The following RASGEF1C variants were observed in gnomAD, a reference collection of about 807,000 sequenced individuals.
RASGEF1C encodes the protein ras-GEF domain-containing family member 1C.
RASGEF1C carries 27 observed loss-of-function variants against 58.1 expected under a neutral mutation model. That is an observed-to-expected ratio of 0.46 (90% CI 0.34 to 0.64). The LOEUF (loss-of-function observed/expected upper bound fraction) is 0.64, where lower values mean the gene tolerates loss of function less well. Ranked by LOEUF, RASGEF1C falls within the 30% of genes least tolerant of loss-of-function variation. The pLI is 0.01. For missense variants in RASGEF1C, 502 were observed against 605.1 expected (o/e 0.83, Z 1.79); for synonymous variants, 243 against 246.3 (o/e 0.99, Z 0.13).
At chr5:180,186,101 GAAAAAAAAAAA>G (rs35778456) in intron 1 of RASGEF1C, among the ~76,000 whole-genome samples, 3 of 81,174 alleles carry the variant, frequency 3.7e-5, no homozygotes, top group African/African-American at 4.8e-5. Context: ...TATCTCCACA[GAAAAAAAAAAA>G]AAAAAAAAAA....
intron 4 of RASGEF1C, among the ~76,000 whole-genome samples, chr5:180,134,778 C>T (rs1766439326): frequency 1.4e-5 from 1 of 68,970 alleles, no homozygotes; most frequent in Non-Finnish European, 3.9e-5. Context: ...TTACAGTGAC[C>T]CCCAACCCCC....
At chr5:180,135,377 C>T (rs1209251080) in intron 4 of RASGEF1C, 2 of 152,248 alleles carry the variant, frequency 1.3e-5, no homozygotes, top group African/African-American at 2.4e-5. Flanking sequence ...TTTTCTCACA[C>T]ACAGCTCTTC....
At chr5:180,175,800 C>A (rs1050310678) in intron 1 of RASGEF1C, among the ~76,000 whole-genome samples, 13 of 152,154 alleles carry the variant, frequency 8.5e-5, no homozygotes, top group African/African-American at 1.9e-4. Flanking sequence ...AGATTGAGAC[C>A]ATCCTGGCTA....
At chr5:180,152,529 C>T (rs1305964337) in intron 1 of RASGEF1C, among the ~76,000 whole-genome samples, 1 of 125,174 alleles carries the variant, frequency 8.0e-6, no homozygotes, top group East Asian at 2.3e-4. Context: ...CACATGGACA[C>T]AGGAAGGGGA....
intron 12 of RASGEF1C, among the ~76,000 whole-genome samples, chr5:180,104,709 G>A (rs1317695066): frequency 6.6e-6 from 1 of 152,178 alleles, no homozygotes; most frequent in Admixed American, 6.5e-5. Flanking sequence ...ATTTGAGCCT[G>A]TAGACTTCAT....
intron 12 of RASGEF1C, 144 bp downstream of exon 12, chr5:180,111,313 G>C (rs1765954884): frequency 1.9e-6 from 2 of 1,061,510 alleles, no homozygotes; most frequent in Non-Finnish European, 2.7e-6. Context: ...GGGGGATGGA[G>C]CCCTCCTTGT....
intron 6 of RASGEF1C, among the ~76,000 whole-genome samples, 170 bp from the exon 7 acceptor site, chr5:180,121,319 T>TG (rs1766164369): frequency 1.3e-5 from 1 of 76,528 alleles, no homozygotes; most frequent in Non-Finnish European, 2.6e-5. Context: ...TAAAAGTACA[T>TG]TTTTTTTTTT....
intron 10 of RASGEF1C, among the ~76,000 whole-genome samples, chr5:180,116,156 C>G (rs1258107231): frequency 6.6e-6 from 1 of 152,182 alleles, no homozygotes; most frequent in African/African-American, 2.4e-5. Flanking sequence ...AGGCCACCCC[C>G]CATGTCTGAC....
At chr5:180,135,049 C>G (rs1050481326) in intron 4 of RASGEF1C, among the ~76,000 whole-genome samples, 3 of 136,800 alleles carry the variant, frequency 2.2e-5, no homozygotes, top group Non-Finnish European at 4.9e-5. Flanking sequence ...GTCCCCACCC[C>G]CCCCGTCCAA....
At chr5:180,205,598 A>C (rs1372337446) in intron 1 of RASGEF1C, among the ~76,000 whole-genome samples, 3 of 152,206 alleles carry the variant, frequency 2.0e-5, no homozygotes, top group African/African-American at 7.2e-5. Context: ...TCCTTGCAGT[A>C]AAAAGCGATG....
chr5:180,118,500 GCTGT>G, intron 10 of RASGEF1C, 105 bp downstream of exon 10: 1 of 1,019,914 alleles, frequency 9.8e-7, no homozygotes, highest in Non-Finnish European at 1.4e-6. Flanking sequence ...AGGAGACCTG[GCTGT>G]CTATTACTGA....
intron 1 of RASGEF1C, among the ~76,000 whole-genome samples, chr5:180,208,024 G>C (rs1179146056): frequency 1.3e-5 from 2 of 152,174 alleles, no homozygotes; most frequent in Non-Finnish European, 2.9e-5. Flanking sequence ...CAGGCAGCAG[G>C]CGGCACACAG....
rs1756313452 is a variant in RASGEF1C, at chr5:180,198,144, T to C, written c.-7+10884A>G. Among the ~76,000 whole-genome samples the C allele has an allele frequency of 6.6e-6, 1 of 152,198 alleles. No individual in the cohort carries two copies. The highest frequency in any genetic ancestry group is 1.5e-5 in the Non-Finnish European group (1 of 68,028). On this transcript the variant is annotated intron_variant, in intron 1 of 13. Coordinates refer to ENST00000361132, the MANE Select transcript of RASGEF1C (RefSeq NM_175062.4). This position sits in a 1 kb window ranked among gnomAD's most constrained non-coding sequence, Gnocchi z 4.5. ...TGGGGCACCATTGGTGGCAGGACCCTGGGCAGTAAGGCCCTAAGGAAACTG... is the reference window on the plus strand; with the variant it reads ...TGGGGCACCATTGGTGGCAGGACCCCGGGCAGTAAGGCCCTAAGGAAACTG...
intron 1 of RASGEF1C, among the ~76,000 whole-genome samples, chr5:180,148,460 A>T (rs1766692922): frequency 6.6e-6 from 1 of 151,774 alleles, no homozygotes; most frequent in Non-Finnish European, 1.5e-5. Flanking sequence ...TTTTGTGGTG[A>T]AACATTAATT....
At position 180,101,363 on chromosome 5, in the gene RASGEF1C, GGGC is replaced by G; in HGVS notation, c.*135_*137del. The G allele has an allele frequency of 4.3e-6, 4 of 935,696 alleles. No individual in the cohort carries two copies. Among genetic ancestry groups the G allele is most frequent in the Non-Finnish European group, 6.4e-6 (4 of 624,564 alleles). 58.0% of individuals were successfully genotyped at this position (935,696 alleles called of 1,614,324 possible). A position where few individuals can be genotyped will look rare whatever the true frequency, so the allele number is the denominator to read the frequency against. The stretch of plus-strand genomic sequence containing the variant: ...CGTATGGCCACTGTGGGGGGGGGGG[GGGC>G]GGGCAGCAGGCCACAGGGTCGGCAT... On this transcript the variant is annotated 3_prime_UTR_variant, in exon 14 of 14. Coordinates refer to ENST00000361132, the MANE Select transcript of RASGEF1C (RefSeq NM_175062.4).
intron 10 of RASGEF1C, among the ~76,000 whole-genome samples, chr5:180,116,491 A>G (rs993999740): frequency 1.3e-5 from 2 of 151,976 alleles, no homozygotes; most frequent in African/African-American, 2.4e-5. Context: ...TCCATAAAGC[A>G]GCTTTTGTGG....
At chr5:180,204,431 C>A (rs553653025) in intron 1 of RASGEF1C, among the ~76,000 whole-genome samples, 3 of 152,282 alleles carry the variant, frequency 2.0e-5, no homozygotes, top group East Asian at 3.9e-4. Context: ...AATATTCATA[C>A]GTTTTGTGTC....
chr5:180,177,495 G>C lies in RASGEF1C; in HGVS notation c.-7+31533C>G, dbSNP rs1489643073. Among the ~76,000 whole-genome samples the C allele has an allele frequency of 6.6e-6, 1 of 152,262 alleles. No individual in the cohort carries two copies. The highest frequency in any genetic ancestry group is 2.4e-5 in the African/African-American group (1 of 41,478). On this transcript the variant is annotated intron_variant, in intron 1 of 13. Coordinates refer to ENST00000361132, the MANE Select transcript of RASGEF1C (RefSeq NM_175062.4). The surrounding 1 kb of genome is among the most constrained non-coding windows in gnomAD (Gnocchi z 5.0). ...GGCTTCCTTCCGGGACCCCTGCCAA[G>C]GCTCAGCCCTGCTGCAGCTGTCCAA...
chr5:180,124,534 T>TA (rs1281814451), intron 6 of RASGEF1C, among the ~76,000 whole-genome samples: 24 of 152,242 alleles, frequency 1.6e-4, no homozygotes, highest in African/African-American at 5.5e-4. Flanking sequence ...CAACATTGAT[T>TA]AAAAAAACAG....
Sources: allele counts gnomAD v4.1 joint callset (sites outside exome capture counted in the v4.1 genomes callset), GRCh38; gene constraint gnomAD v4.1.1; non-coding constraint Gnocchi (gnomAD v3.1); transcripts MANE v1.5; gene names NCBI Gene and HGNC (gene_info 2026-07-23, HGNC 2026-07-21).